Variants in CDC42BPA observed in about 807,000 individuals in gnomAD.
The protein encoded by CDC42BPA is serine/threonine-protein kinase MRCK alpha.
Under a neutral mutation model 223.5 loss-of-function variants are expected in CDC42BPA, and 80 were observed. The observed-to-expected ratio is 0.36, with a 90% CI of 0.30 to 0.43. CDC42BPA has a LOEUF of 0.43. CDC42BPA is among the 20% of genes least tolerant of loss of function. CDC42BPA has a pLI of 1.00. For missense variants in CDC42BPA, 1,743 were observed against 2,099.9 expected, an observed-to-expected ratio of 0.83 and a Z score of 3.32; for synonymous variants, 694 against 718.6, an observed-to-expected ratio of 0.97 and a Z score of 0.55.
At chr1:227,143,997 T>C (rs540859237) in intron 8 of CDC42BPA, among the ~76,000 whole-genome samples, 1 of 152,318 alleles carries the variant, frequency 6.6e-6, no homozygotes, top group East Asian at 1.9e-4. Context: ...TAATTATTCT[T>C]TGTGAAGTTT....
At chr1:227,198,637 C>T (rs1341395803) in intron 4 of CDC42BPA, among the ~76,000 whole-genome samples, 3 of 151,874 alleles carry the variant, frequency 2.0e-5, no homozygotes, top group Non-Finnish European at 4.4e-5. Flanking sequence ...TCAGATAAAC[C>T]CCATGAGCAT....
chr1:227,108,433 T>G (rs1686307266), intron 14 of CDC42BPA, among the ~76,000 whole-genome samples: 1 of 152,050 alleles, frequency 6.6e-6, no homozygotes, highest in Non-Finnish European at 1.5e-5. Flanking sequence ...TGTAATTGAT[T>G]TCTAGCTCCA....
intron 2 of CDC42BPA, among the ~76,000 whole-genome samples, chr1:227,244,458 T>TCAGAATAGTTAA (rs56812821): frequency 0.31 from 45,840 of 149,172 alleles, 7,127 homozygotes; most frequent in East Asian, 0.38. Flanking sequence ...GTGATAGAAG[T>TCAGAATAGTTAA]CAGAATAGTT....
chr1:227,105,953 T>C (rs1247446187), intron 14 of CDC42BPA, among the ~76,000 whole-genome samples: 4 of 152,214 alleles, frequency 2.6e-5, no homozygotes, highest in Admixed American at 6.5e-5. Context: ...TTTGGGTATA[T>C]ACCTAGGAGT....
intron 23 of CDC42BPA, among the ~76,000 whole-genome samples, chr1:227,047,376 A>AT (rs1283867112): frequency 6.6e-6 from 1 of 151,530 alleles, no homozygotes; most frequent in Non-Finnish European, 1.5e-5. Context: ...TTTTTTGTAT[A>AT]TTTTTTCAGG....
At chr1:227,037,067 G>T (rs1246095150) in intron 24 of CDC42BPA, among the ~76,000 whole-genome samples, 1 of 152,226 alleles carries the variant, frequency 6.6e-6, no homozygotes, top group Non-Finnish European at 1.5e-5. Context: ...ACTATGAATT[G>T]CAAGTAATTG....
chr1:227,243,301 A>G (rs770838839), intron 2 of CDC42BPA, among the ~76,000 whole-genome samples: 14 of 152,230 alleles, frequency 9.2e-5, no homozygotes, highest in Non-Finnish European at 2.9e-5. Flanking sequence ...ACAAACCTGC[A>G]AGTGTACCCC....
At chr1:227,055,070 T>C (rs1321951039) in intron 21 of CDC42BPA, among the ~76,000 whole-genome samples, 1 of 151,948 alleles carries the variant, frequency 6.6e-6, no homozygotes, top group Non-Finnish European at 1.5e-5. Context: ...ATATAATAAT[T>C]AAAATTTAAA....
In CDC42BPA at chr1:227,201,797, A is replaced by G. The variant is rs546505801; in HGVS notation, c.355-2145T>C. 4.6e-5 allele frequency among the ~76,000 whole-genome samples: 7 copies of G among 151,250 alleles called. No homozygotes were observed. In the South Asian group the frequency reaches 1.5e-3, roughly 31 times the overall value. ...AGTTTTTTTTTTTTTTCAAGTAACA[A>G]TGAATTTGAACATCCTTCCGTATCA... On this transcript the variant is annotated intron_variant, in intron 3 of 36. Coordinates refer to ENST00000366766, the MANE Select transcript of CDC42BPA (RefSeq NM_001394014.1).
chr1:227,155,265 A>G (rs985829474), intron 6 of CDC42BPA, among the ~76,000 whole-genome samples: 9 of 152,244 alleles, frequency 5.9e-5, no homozygotes, highest in African/African-American at 2.2e-4. Flanking sequence ...TCTTAACAGC[A>G]ACACTGTAAG....
At chr1:227,077,787 A>G (rs1679815080) in intron 17 of CDC42BPA, among the ~76,000 whole-genome samples, 1 of 152,154 alleles carries the variant, frequency 6.6e-6, no homozygotes, top group African/African-American at 2.4e-5. Context: ...TAACTTTCCT[A>G]CTTCAATGAT....
intron 23 of CDC42BPA, among the ~76,000 whole-genome samples, chr1:227,043,561 C>T (rs926085043): frequency 4.0e-5 from 6 of 151,670 alleles, no homozygotes; most frequent in Admixed American, 3.9e-4. Flanking sequence ...ATATTAGGTG[C>T]AACAAACTAA....
chr1:227,315,590 T>A lies in CDC42BPA; in HGVS notation c.178+1415A>T, dbSNP rs913954488. ...ACCCTTTAAGTCTTAAAAAAAAAAA[T>A]TAACACTACAGAATTTCTCAATTTG... On this transcript the variant is annotated intron_variant, in intron 1 of 36. Transcript: ENST00000366766. 2.6e-4 allele frequency among the ~76,000 whole-genome samples: 33 copies of A among 128,184 alleles called. 1 individual carries two copies. The highest frequency in any genetic ancestry group is 2.0e-3 in the Admixed American group (25 of 12,652). 84.1% of individuals were successfully genotyped at this position (128,184 alleles called of 152,430 possible).
At chr1:227,084,399 A>G (rs1410718282) in intron 16 of CDC42BPA, among the ~76,000 whole-genome samples, 2 of 152,028 alleles carry the variant, frequency 1.3e-5, no homozygotes, top group Non-Finnish European at 2.9e-5. Flanking sequence ...GTGGTGGCAC[A>G]TGCCTTTAAT....
intron 1 of CDC42BPA, among the ~76,000 whole-genome samples, chr1:227,273,381 C>T (rs971354798): frequency 6.6e-6 from 1 of 151,494 alleles, no homozygotes; most frequent in Non-Finnish European, 1.5e-5. Context: ...AGCCTGACAA[C>T]ATGGAGAAAC....
intron 10 of CDC42BPA, among the ~76,000 whole-genome samples, chr1:227,133,348 C>T (rs1391096748): frequency 6.6e-6 from 1 of 151,512 alleles, no homozygotes; most frequent in African/African-American, 2.4e-5. Context: ...TGGGGGCGGA[C>T]AGCCCCCCGC....
At chr1:227,197,869 C>A (rs984966584) in intron 4 of CDC42BPA, among the ~76,000 whole-genome samples, 6 of 151,950 alleles carry the variant, frequency 3.9e-5, no homozygotes, top group Admixed American at 3.9e-4. Flanking sequence ...ATTAACAAAC[C>A]CATGCAGATT....
intron 2 of CDC42BPA, among the ~76,000 whole-genome samples, chr1:227,222,083 A>T (rs1676011504): frequency 6.8e-6 from 1 of 147,644 alleles, no homozygotes; most frequent in African/African-American, 2.5e-5. Context: ...AAAAAAATTA[A>T]TTAGTCAGGG....
chr1:227,278,199 T>C (rs2148541854), intron 1 of CDC42BPA, among the ~76,000 whole-genome samples: 1 of 152,370 alleles, frequency 6.6e-6, no homozygotes, highest in African/African-American at 2.4e-5. Context: ...ACACTGTCTC[T>C]ACAAAGCTTT....
Sources: gnomAD v4.1 joint callset for allele counts (sites outside exome capture counted in the v4.1 genomes callset) on GRCh38, gnomAD v4.1.1 for gene constraint, MANE v1.5 for transcripts, NCBI Gene and HGNC (gene_info 2026-07-23, HGNC 2026-07-21) for gene names.